The following DNAI4 variants were observed in gnomAD, a reference collection of about 807,000 sequenced individuals.
DNAI4 encodes the protein WD repeat domain 78.
Under a neutral mutation model 105.8 loss-of-function variants are expected in DNAI4, and 85 were observed. The observed-to-expected ratio is 0.80, with a 90% CI of 0.67 to 0.96. The LOEUF is 0.96. DNAI4 is among the 40% of genes least tolerant of loss of function. The pLI is 0.00. For synonymous variants in DNAI4, 352 were observed against 331.5 expected (o/e 1.06, Z -0.67); for missense variants, 1,014 against 1,005.6 (o/e 1.01, Z -0.11).
At chr1:66,912,742 C>T (rs1649755895) in intron 1 of DNAI4, among the ~76,000 whole-genome samples, 2 of 152,146 alleles carry the variant, frequency 1.3e-5, no homozygotes, top group African/African-American at 2.4e-5. Context: ...TTAACTGAGA[C>T]CTGTCTCAAA....
intron 4 of DNAI4, among the ~76,000 whole-genome samples, chr1:66,883,667 G>T (rs1437204702): frequency 6.6e-6 from 1 of 152,054 alleles, no homozygotes; most frequent in Admixed American, 6.6e-5. Flanking sequence ...TTTTTAGGAA[G>T]ATACTTTTAA....
intron 3 of DNAI4, among the ~76,000 whole-genome samples, 176 bp downstream of exon 3, chr1:66,893,053 A>AAGAAAGAAAGAAAGAGAG (rs1167732856): frequency 9.0e-5 from 6 of 66,596 alleles, no homozygotes; most frequent in African/African-American, 3.0e-4. Flanking sequence ...GAAAGAAAGA[A>AAGAAAGAAAGAAAGAGAG]AGAGAGAGAG....
intron 16 of DNAI4, among the ~76,000 whole-genome samples, chr1:66,822,037 T>C (rs939828050): frequency 2.0e-5 from 3 of 152,260 alleles, no homozygotes; most frequent in East Asian, 1.9e-4. Flanking sequence ...ATACATGATG[T>C]AAACTTCTTT....
At chr1:66,888,707 A>G (rs1213344548) in intron 4 of DNAI4, among the ~76,000 whole-genome samples, 1 of 152,134 alleles carries the variant, frequency 6.6e-6, no homozygotes, top group East Asian at 1.9e-4. Flanking sequence ...ACAAAACAAA[A>G]CAAAACAAAA....
rs762079969 is a variant in DNAI4 at position 66,833,661 on chromosome 1, C to G, written c.1937G>C (p.Gly646Ala). The change falls in exon 13 of 17, where the codon GGA (glycine) becomes GCA (alanine). Residue 646 changes from glycine to alanine, a missense_variant. Coordinates refer to ENST00000371026, the MANE Select transcript of DNAI4 (RefSeq NM_024763.5). The part of the protein sequence containing the change: ...KRTTAASNKK[G>A]GEKEKKDEAL... ...TTCATCTTTCTTTTCCTTTTCCCCT[C>G]CTTTTTTGTTACTGGCAGCTGTAGT... 5.0e-6 allele frequency: 8 copies of G among 1,613,282 alleles called. No homozygotes were observed. In the Admixed American group the frequency reaches 5.0e-5, roughly 10 times the overall value.
Position 66,822,378 on chromosome 1 carries a change from C to G in DNAI4, c.2479G>C (p.Val827Leu), listed in dbSNP as rs148844134. The G allele has an allele frequency of 8.7e-6, 14 of 1,606,684 alleles. No homozygotes were observed. In the African/African-American group the frequency reaches 1.3e-4, roughly 15 times the overall value. The change falls in exon 16 of 17, where the codon GTT becomes CTT. Residue 827 changes from valine to leucine, a missense_variant. By Grantham distance (32) the Val-to-Leu change is conservative. Transcript: ENST00000371026. ...SVYELRNMPT[V>L]LETGRGDIMD... ...AGTCTTACCCGGCCAGTTTCCAAAA[C>G]AGTAGGCATATTTCTCAGTTCATAC...
At chr1:66,859,032 A>G (rs572391690) in intron 7 of DNAI4, among the ~76,000 whole-genome samples, 2 of 152,228 alleles carry the variant, frequency 1.3e-5, no homozygotes, top group South Asian at 4.1e-4. Context: ...TCTATGAAAA[A>G]CCCTGCTAAT....
intron 16 of DNAI4, among the ~76,000 whole-genome samples, chr1:66,818,361 T>C (rs554413440): frequency 5.3e-5 from 8 of 152,038 alleles, no homozygotes; most frequent in African/African-American, 1.9e-4. Context: ...ATTGAAGTAC[T>C]TAAAAGTCCA....
chr1:66,876,151 G>A (rs956274113), intron 4 of DNAI4, among the ~76,000 whole-genome samples: 13 of 151,790 alleles, frequency 8.6e-5, no homozygotes, highest in Non-Finnish European at 4.4e-5. Flanking sequence ...AAGTAAATTT[G>A]ACTAAGACAG....
chr1:66,813,671 T>C lies in DNAI4; in HGVS notation c.*459A>G, dbSNP rs935602362. On this transcript the variant is annotated 3_prime_UTR_variant, in exon 17 of 17. Coordinates refer to ENST00000371026, the MANE Select transcript of DNAI4 (RefSeq NM_024763.5). ...AAATGTTAGGTACAAGAATCCATTA[T>C]TTTCATCTACTAAAAACTACGTAAT... 6.5e-6 allele frequency: 1 copy of C among 152,696 alleles called. No individual in the cohort carries two copies. 9.5% of individuals were successfully genotyped at this position (152,696 alleles called of 1,614,324 possible). A position where few individuals can be genotyped will look rare whatever the true frequency, so the allele number is the denominator to read the frequency against.
At chr1:66,893,117 G>GAAAGAAAGAAAGAAAGAAAGAA (rs1472049025) in intron 3 of DNAI4, 112 bp downstream of exon 3, 1 of 516,992 alleles carries the variant, frequency 1.9e-6, no homozygotes, top group African/African-American at 2.0e-5. Context: ...AAGAAAGAAA[G>GAAAGAAAGAAAGAAAGAAAGAA]AAAGAAACTG....
intron 4 of DNAI4, among the ~76,000 whole-genome samples, chr1:66,887,259 G>T (rs1647239351): frequency 6.6e-6 from 1 of 152,152 alleles, no homozygotes; most frequent in Non-Finnish European, 1.5e-5. Context: ...TAACTCTTGG[G>T]AACTGTATTT....
intron 7 of DNAI4, among the ~76,000 whole-genome samples, chr1:66,852,284 A>G (rs1646413052): frequency 2.0e-5 from 3 of 151,964 alleles, no homozygotes; most frequent in South Asian, 4.1e-4. Flanking sequence ...TGGTTTCACT[A>G]AAGAATTCAA....
At chr1:66,863,141 ATG>A (rs1646662467) in intron 6 of DNAI4, among the ~76,000 whole-genome samples, 1 of 152,232 alleles carries the variant, frequency 6.6e-6, no homozygotes, top group South Asian at 2.1e-4. Context: ...AATATTGGCA[ATG>A]TTATTTATCT....
At chr1:66,919,111 G>A (rs1650279161) in intron 1 of DNAI4, 1 of 443,830 alleles carries the variant, frequency 2.3e-6, no homozygotes, top group South Asian at 1.6e-5. Flanking sequence ...GATGTCTCAT[G>A]CCTCCCTAAA....
chr1:66,837,453 G>C, intron 10 of DNAI4: 1 of 332,898 alleles, frequency 3.0e-6, no homozygotes, highest in Non-Finnish European at 5.4e-6. Context: ...AATCAATAAT[G>C]GTTCAACTCT....
intron 1 of DNAI4, among the ~76,000 whole-genome samples, chr1:66,919,951 A>G (rs1428154215): frequency 1.3e-5 from 2 of 152,216 alleles, no homozygotes; most frequent in Non-Finnish European, 2.9e-5. Context: ...ACTGATAGGA[A>G]TAGGAAGCAG....
At chr1:66,831,115 AG>A (rs934836246) in intron 13 of DNAI4, among the ~76,000 whole-genome samples, 15 of 151,950 alleles carry the variant, frequency 9.9e-5, no homozygotes, top group African/African-American at 3.6e-4. Context: ...AAATTACCAA[AG>A]CTCACTCAAG....
chr1:66,819,744 T>G (rs1353699553), intron 16 of DNAI4, among the ~76,000 whole-genome samples: 1 of 152,034 alleles, frequency 6.6e-6, no homozygotes, highest in Non-Finnish European at 1.5e-5. Flanking sequence ...ATGTCAATAC[T>G]CACAGATTTC....
Sources: gnomAD v4.1 joint callset for allele counts (sites outside exome capture counted in the v4.1 genomes callset) on GRCh38, gnomAD v4.1.1 for gene constraint, MANE v1.5 for transcripts, NCBI Gene and HGNC (gene_info 2026-07-23, HGNC 2026-07-21) for gene names.